The following NRG3 variants were observed in gnomAD, a reference collection of about 807,000 sequenced individuals.
The protein encoded by NRG3 is pro-neuregulin-3, membrane-bound isoform.
A neutral mutation model predicts 66.9 loss-of-function variants in NRG3; 31 were observed. The ratio of observed to expected loss-of-function variants is 0.46; its 90% confidence interval spans 0.35 to 0.63. The LOEUF is 0.63. NRG3 is among the 20% of genes least tolerant of loss of function. The pLI, the probability that NRG3 is intolerant of heterozygous loss-of-function variation, is 0.00. For synonymous variants in NRG3, 393 were observed against 359.4 expected (o/e 1.09, Z -1.06); for missense variants, 910 against 878.9 (o/e 1.04, Z -0.45).
intron 2 of NRG3, among the ~76,000 whole-genome samples, chr10:82,510,600 G>A (rs537535889): frequency 2.0e-5 from 3 of 152,302 alleles, no homozygotes; most frequent in East Asian, 1.9e-4. Flanking sequence ...CCATTAGAAC[G>A]GAAGGAACAA....
At chr10:81,916,753 C>G (rs1252117855) in intron 1 of NRG3, among the ~76,000 whole-genome samples, 2 of 152,172 alleles carry the variant, frequency 1.3e-5, no homozygotes, top group Admixed American at 1.3e-4. Flanking sequence ...CACATCTTTT[C>G]TTGGGCATCT....
rs1401055893 is a variant in NRG3 at position 82,723,521 on chromosome 10, T to G, written c.954-15056T>G. Among the ~76,000 whole-genome samples the G allele has an allele frequency of 4.6e-5, 7 of 152,346 alleles. No homozygotes were observed. In the South Asian group the frequency reaches 1.5e-3, roughly 32 times the overall value. On this transcript the variant is annotated intron_variant, in intron 2 of 8. Transcript: ENST00000372141. The stretch of plus-strand genomic sequence containing the variant: ...AGAAAATATATTTGAAAAATATTTG[T>G]ATCATTAACGTAAATTCATGTTGAA...
rs1564638171 is a variant in NRG3 at position 82,928,624 on chromosome 10, T to TAAA, written c.1055-22845_1055-22844insAAA. Among the ~76,000 whole-genome samples the TAAA allele has an allele frequency of 1.5e-3, 174 of 115,432 alleles. 3 individuals carry two copies. The highest frequency in any genetic ancestry group is 5.0e-3 in the African/African-American group (163 of 32,608). The allele number at this position is 115,432 out of a possible 152,430, so 75.7% of individuals were successfully genotyped here. A position where few individuals can be genotyped will look rare whatever the true frequency, so the allele number is the denominator to read the frequency against. On this transcript the variant is annotated intron_variant, in intron 4 of 8. Transcript: ENST00000372141. ...CAGGGATCAGCAGGTTTTTTTTTTT[T>TAAA]TAAAAGTAAATCTCAAACTTGTTCA...
chr10:82,214,181 A>G (rs917019093), intron 1 of NRG3, among the ~76,000 whole-genome samples: 8 of 152,168 alleles, frequency 5.3e-5, no homozygotes, highest in African/African-American at 1.9e-4. Context: ...TCACTAGTCC[A>G]GGACAAAAGC....
rs113523358 is a variant in NRG3 at position 82,597,919 on chromosome 10, C to CA, written c.954-140642dup. Reference sequence around the variant, plus strand: ...CTGGTGACAGGGCGAGACTCCCTCTCAAAAAAAAAAAAAAAAGCTAACTTG... The same window carrying CA: ...CTGGTGACAGGGCGAGACTCCCTCTCAAAAAAAAAAAAAAAAAGCTAACTTG... On this transcript the variant is annotated intron_variant, in intron 2 of 8. Transcript: ENST00000372141. Among the ~76,000 whole-genome samples the CA allele has an allele frequency of 5.6e-3, 722 of 128,472 alleles. 4 individuals are homozygous for CA. Among genetic ancestry groups the CA allele is most frequent in the African/African-American group, 0.014 (499 of 35,626 alleles). The allele number at this position is 128,472 out of a possible 152,430, so 84.3% of individuals were successfully genotyped here. A position where few individuals can be genotyped will look rare whatever the true frequency, so the allele number is the denominator to read the frequency against.
chr10:82,588,549 CT>C (rs1254106436), intron 2 of NRG3, among the ~76,000 whole-genome samples: 2 of 151,930 alleles, frequency 1.3e-5, no homozygotes, highest in African/African-American at 4.8e-5. Context: ...GTCGCCCAGG[CT>C]GGAGTGCAGT....
intron 3 of NRG3, among the ~76,000 whole-genome samples, chr10:82,785,857 G>T (rs947998932): frequency 6.6e-6 from 1 of 152,144 alleles, no homozygotes; most frequent in African/African-American, 2.4e-5. Context: ...TGTGACAAAG[G>T]TGTTTGCTAA....
At chr10:82,459,296 T>A (rs1025694723) in intron 2 of NRG3, among the ~76,000 whole-genome samples, 1 of 152,172 alleles carries the variant, frequency 6.6e-6, no homozygotes, top group African/African-American at 2.4e-5. Context: ...CTACTTCAGG[T>A]TTCTCTACAG....
chr10:82,494,561 G>C (rs748690170), intron 2 of NRG3, among the ~76,000 whole-genome samples: 9 of 151,874 alleles, frequency 5.9e-5, no homozygotes, highest in Non-Finnish European at 1.3e-4. Context: ...TCATATATCA[G>C]AAAACATGAT....
chr10:81,925,284 C>T (rs1490158277), intron 1 of NRG3, among the ~76,000 whole-genome samples: 4 of 152,174 alleles, frequency 2.6e-5, no homozygotes, highest in African/African-American at 7.2e-5. Context: ...AACCTTTGGT[C>T]TAGTCTGACT....
intron 2 of NRG3, among the ~76,000 whole-genome samples, chr10:82,426,792 C>T (rs940447626): frequency 4.6e-5 from 7 of 151,660 alleles, no homozygotes; most frequent in Admixed American, 3.9e-4. Context: ...CACCACCACG[C>T]CCAGCTAATT....
intron 4 of NRG3, among the ~76,000 whole-genome samples, chr10:82,946,814 A>C (rs1435792013): frequency 6.6e-6 from 1 of 152,170 alleles, no homozygotes; most frequent in Non-Finnish European, 1.5e-5. Flanking sequence ...TGCCTGCTAC[A>C]TGGAGAATGG....
intron 4 of NRG3, among the ~76,000 whole-genome samples, chr10:82,929,984 T>G (rs1428798595): frequency 6.6e-6 from 1 of 152,164 alleles, no homozygotes; most frequent in African/African-American, 2.4e-5. Flanking sequence ...CTGGGTTGCC[T>G]AAACTTGTAG....
At chr10:82,406,025 T>C (rs1031453029) in intron 2 of NRG3, among the ~76,000 whole-genome samples, 2 of 152,134 alleles carry the variant, frequency 1.3e-5, no homozygotes, top group East Asian at 3.9e-4. Flanking sequence ...GGCATGGAGA[T>C]AGAAGGTCAA....
At chr10:81,911,608 T>G (rs937749964) in intron 1 of NRG3, among the ~76,000 whole-genome samples, 4 of 137,680 alleles carry the variant, frequency 2.9e-5, no homozygotes, top group Admixed American at 7.1e-5. Context: ...GACTTGTTTT[T>G]TTTTTTTTTT....
At chr10:81,913,598 A>G (rs186445475) in intron 1 of NRG3, among the ~76,000 whole-genome samples, 22 of 151,716 alleles carry the variant, frequency 1.5e-4, no homozygotes, top group South Asian at 4.2e-4. Flanking sequence ...TAATTTTTGT[A>G]TTTTTGGTAG....
chr10:82,735,666 C>G (rs2058118540), intron 2 of NRG3, among the ~76,000 whole-genome samples: 1 of 151,954 alleles, frequency 6.6e-6, no homozygotes, highest in Admixed American at 6.6e-5. Context: ...AACAGAAAAC[C>G]AAACACCACA....
chr10:81,876,608 A>G (rs1450698334), intron 1 of NRG3, among the ~76,000 whole-genome samples: 3 of 152,212 alleles, frequency 2.0e-5, no homozygotes, highest in Non-Finnish European at 4.4e-5. Flanking sequence ...AGCACATGCA[A>G]ATTGACCGAC....
At chr10:82,740,167 T>G (rs2058352725) in intron 3 of NRG3, among the ~76,000 whole-genome samples, 1 of 151,636 alleles carries the variant, frequency 6.6e-6, no homozygotes, top group Admixed American at 6.6e-5. Flanking sequence ...TTCCTCCCTC[T>G]TTCCCTTTCC....
Sources: gnomAD v4.1 joint callset for allele counts (sites outside exome capture counted in the v4.1 genomes callset) on GRCh38, gnomAD v4.1.1 for gene constraint, MANE v1.5 for transcripts, NCBI Gene and HGNC (gene_info 2026-07-23, HGNC 2026-07-21) for gene names.